SCN2B: variants seen among roughly 807,000 people sequenced by gnomAD.
The protein encoded by SCN2B is sodium voltage-gated channel beta subunit 2, also known as sodium channel regulatory subunit beta-2.
SCN2B carries 14 observed loss-of-function variants against 18.2 expected under a neutral mutation model. The observed-to-expected ratio is 0.77, with a 90% confidence interval of 0.51 to 1.21. The LOEUF is 1.21. Among genes scored for constraint, SCN2B ranks in the 50% most tolerant of loss-of-function variants. The pLI, the probability that SCN2B is intolerant of heterozygous loss-of-function variation, is 0.00. For missense variants in SCN2B, 262 were observed against 286.9 expected, an observed-to-expected ratio of 0.91 and a Z score of 0.63; for synonymous variants, 115 against 115.3, an observed-to-expected ratio of 1.00 and a Z score of 0.02.
chr11:118,173,259 CT>C (rs1948443608), intron 1 of SCN2B, among the ~76,000 whole-genome samples: 1 of 152,216 alleles, frequency 6.6e-6, no homozygotes, highest in East Asian at 1.9e-4. Context: ...GACCCCAGTT[CT>C]GATTTTTTCT....
Position 118,168,117 on chromosome 11 carries a change from T to C in SCN2B, c.416A>G (p.His139Arg). Residue 139 changes from histidine (H) to arginine (R), a missense_variant, in exon 3 of 4, where the codon CAT becomes CGT. His to Arg is a conservative substitution (Grantham distance 29). Transcript: ENST00000278947. This position sits in a 1 kb window ranked among gnomAD's most constrained non-coding sequence, Gnocchi z 4.7. ...GAGGACCTGCAGATGGATCTTGCCA[T>C]GGCCACGGTGGCGGTCAGGGGGGTT... Reference protein sequence around the residue: ...IMNPPDRHRGHGKIHLQVLME... With the variant: ...IMNPPDRHRGRGKIHLQVLME... The C allele has an allele frequency of 1.2e-6, 2 of 1,614,146 alleles. No individual in the cohort carries two copies. The highest frequency in any genetic ancestry group is 1.7e-6 in the Non-Finnish European group (2 of 1,180,026).
Position 118,166,489 on chromosome 11 carries a change from C to T in SCN2B, c.*398G>A. ...AGGGAGCGCTGTCAGCACAGGAAAG[C>T]CCTCCCTCCCCACCAGGTCCTCTCT... On this transcript the variant is annotated 3_prime_UTR_variant, in exon 4 of 4. Coordinates refer to ENST00000278947, the MANE Select transcript of SCN2B (RefSeq NM_004588.5). 3.2e-6 allele frequency: 1 copy of T among 310,314 alleles called. No individual in the cohort carries two copies. Among genetic ancestry groups the T allele is most frequent in the East Asian group, 8.4e-5 (1 of 11,950 alleles). The allele number at this position is 310,314 out of a possible 1,614,324, so 19.2% of individuals were successfully genotyped here.
At position 118,176,489 on chromosome 11, in the gene SCN2B, G is replaced by A. The variant is rs747804450; in HGVS notation, c.-58C>T. 23 of 1,291,950 alleles carry A rather than the reference G, an allele frequency of 1.8e-5. No individual in the cohort carries two copies. The highest frequency in any genetic ancestry group is 3.4e-5 in the Admixed American group (2 of 59,564). 80.0% of individuals were successfully genotyped at this position (1,291,950 alleles called of 1,614,324 possible). A position where few individuals can be genotyped will look rare whatever the true frequency, so the allele number is the denominator to read the frequency against. ...ACGGGAGAGGGTGATTTGAGGGGGC[G>A]AGAACTACAAGGGAGGAATGGTTGG... On this transcript the variant is annotated 5_prime_UTR_variant, in exon 1 of 4. Coordinates refer to ENST00000278947, the MANE Select transcript of SCN2B (RefSeq NM_004588.5).
At chr11:118,167,378 A>G (rs1488898843) in intron 3 of SCN2B, among the ~76,000 whole-genome samples, 1 of 152,182 alleles carries the variant, frequency 6.6e-6, no homozygotes, top group East Asian at 1.9e-4. Flanking sequence ...GAATTGCGTG[A>G]CCTTAAGTAA....
chr11:118,175,224 C>T (rs190120594), intron 1 of SCN2B, among the ~76,000 whole-genome samples: 72 of 152,300 alleles, frequency 4.7e-4, no homozygotes, highest in Admixed American at 3.3e-3. Context: ...TTTAGTTTAC[C>T]CGGGAGGGAA....
In SCN2B at chr11:118,170,638, G is replaced by A. The variant is rs186762858; in HGVS notation, c.71-1887C>T. Reference sequence around the variant, plus strand: ...CCCGATAGAGGCTGATGTGGGAATCGCATAGACAAGGGGATGAGACTAGAC... The same window carrying A: ...CCCGATAGAGGCTGATGTGGGAATCACATAGACAAGGGGATGAGACTAGAC... On this transcript the variant is annotated intron_variant, in intron 1 of 3. Coordinates refer to ENST00000278947, the MANE Select transcript of SCN2B (RefSeq NM_004588.5). Among the ~76,000 whole-genome samples the A allele has an allele frequency of 1.7e-3, 253 of 152,270 alleles. 1 individual carries two copies. The highest frequency in any genetic ancestry group is 5.6e-3 in the African/African-American group (231 of 41,554).
At chr11:118,173,089 T>C (rs1234917108) in intron 1 of SCN2B, among the ~76,000 whole-genome samples, 2 of 151,836 alleles carry the variant, frequency 1.3e-5, no homozygotes, top group Non-Finnish European at 2.9e-5. Flanking sequence ...CCCACCCTCA[T>C]CACTCCTCAC....
Position 118,168,640 on chromosome 11 carries a change from T to C in SCN2B, c.182A>G (p.Lys61Arg). ...GTAAGTCCAGTTCAGGGAGAACTGT[T>C]TGTGGTTCACTGTGTAGCAGGAGTT... Reference protein sequence around the residue: ...TFNSCYTVNHKQFSLNWTYQE... With the variant: ...TFNSCYTVNHRQFSLNWTYQE... The change falls in exon 2 of 4, where the codon AAA becomes AGA. Residue 61 changes from lysine (K) to arginine (R), a missense_variant. Coordinates refer to ENST00000278947, the MANE Select transcript of SCN2B (RefSeq NM_004588.5). The surrounding 1 kb of genome is among the most constrained non-coding windows in gnomAD (Gnocchi z 4.7). 6.2e-7 allele frequency: 1 copy of C among 1,614,246 alleles called. No homozygotes were observed. The highest frequency in any genetic ancestry group is 8.5e-7 in the Non-Finnish European group (1 of 1,180,042).
At position 118,168,867 on chromosome 11, in the gene SCN2B, C is replaced by T; in HGVS notation, c.71-116G>A. On this transcript the variant is annotated intron_variant, in intron 1 of 3. Coordinates refer to ENST00000278947, the MANE Select transcript of SCN2B (RefSeq NM_004588.5). The surrounding 1 kb of genome is among the most constrained non-coding windows in gnomAD (Gnocchi z 4.7). ...GCAGAGCAGAGCCACAGGGAGGGGA[C>T]TGGGTCCCTGACAGCTCCAGTTAAT... 1 of 1,115,904 alleles carries T rather than the reference C, an allele frequency of 9.0e-7. No individual in the cohort carries two copies. Among genetic ancestry groups the T allele is most frequent in the Non-Finnish European group, 1.4e-6 (1 of 734,306 alleles). 69.1% of individuals were successfully genotyped at this position (1,115,904 alleles called of 1,614,324 possible). A position where few individuals can be genotyped will look rare whatever the true frequency, so the allele number is the denominator to read the frequency against.
At chr11:118,169,926 C>T (rs977871576) in intron 1 of SCN2B, among the ~76,000 whole-genome samples, 14 of 152,194 alleles carry the variant, frequency 9.2e-5, no homozygotes, top group Admixed American at 1.3e-4. Context: ...TTAAATGTCA[C>T]GCCCTAGGCA....
In SCN2B at chr11:118,166,833, C is replaced by G; in HGVS notation, c.*54G>C. 1 of 1,605,524 alleles carries G rather than the reference C, an allele frequency of 6.2e-7. No homozygotes were observed. The highest frequency in any genetic ancestry group is 1.7e-5 in the Admixed American group (1 of 59,996). On this transcript the variant is annotated 3_prime_UTR_variant, in exon 4 of 4. Coordinates refer to ENST00000278947, the MANE Select transcript of SCN2B (RefSeq NM_004588.5). ...AGAGCGAGCAGGCAGGGTCACTGTA[C>G]AGGGCGGAGAGGGGAGGAGACGGGA...
chr11:118,176,133 G>T (rs567123168), intron 1 of SCN2B, among the ~76,000 whole-genome samples: 1 of 152,184 alleles, frequency 6.6e-6, no homozygotes, highest in South Asian at 2.1e-4. Context: ...CTTGACAATT[G>T]TCAGCCCCCA....
rs750313446 is a variant in SCN2B, at chr11:118,168,189, C to T, written c.344G>A (p.Arg115Lys). Residue 115 changes from arginine to lysine, a missense_variant, in exon 3 of 4, where the codon AGA becomes AAA. Physicochemically the swap from Arg to Lys is conservative, Grantham distance 26. Transcript: ENST00000278947. This position sits in a 1 kb window ranked among gnomAD's most constrained non-coding sequence, Gnocchi z 4.7. ...PSKYDVSVML[R>K]NVQPEDEGIY... ...CCCCTCATCCTCCGGCTGCACGTTT[C>T]TCAGCATCACCGACACATCGTACTT... The T allele has an allele frequency of 1.2e-6, 2 of 1,614,188 alleles. No homozygotes were observed. Among genetic ancestry groups the T allele is most frequent in the African/African-American group, 1.3e-5 (1 of 75,046 alleles).
chr11:118,172,774 C>T (rs1370503407), intron 1 of SCN2B, among the ~76,000 whole-genome samples: 1 of 152,202 alleles, frequency 6.6e-6, no homozygotes, highest in South Asian at 2.1e-4. Flanking sequence ...GCCCATCTTG[C>T]AGAGACTATA....
chr11:118,176,289 C>G (rs1173804254), intron 1 of SCN2B, 73 bp downstream of exon 1: 2 of 1,346,012 alleles, frequency 1.5e-6, no homozygotes, highest in East Asian at 2.3e-5. Flanking sequence ...CTTTCCTATC[C>G]CCTGCCCCCA....
In SCN2B at chr11:118,171,491, CT is replaced by C. The variant is rs542634306; in HGVS notation, c.71-2741del. Among the ~76,000 whole-genome samples the C allele has an allele frequency of 1.3e-3, 192 of 152,358 alleles. 2 individuals are homozygous for C. Among genetic ancestry groups the C allele is most frequent in the African/African-American group, 4.4e-3 (184 of 41,582 alleles). On this transcript the variant is annotated intron_variant, in intron 1 of 3. Coordinates refer to ENST00000278947, the MANE Select transcript of SCN2B (RefSeq NM_004588.5). ...CCAGGAATGTCCTATCCCTCTAGCT[CT>C]TCCCTTGGAAGGTCGATCATCTTCC...
At chr11:118,172,609 CTG>C (rs923108979) in intron 1 of SCN2B, among the ~76,000 whole-genome samples, 16 of 152,234 alleles carry the variant, frequency 1.1e-4, no homozygotes, top group African/African-American at 3.9e-4. Context: ...GGTCTGGGGC[CTG>C]TGTCTCCTGA....
At position 118,167,018 on chromosome 11, in the gene SCN2B, CCA is replaced by C. The variant is rs1451762339; in HGVS notation, c.515_516del (p.Val172GlyfsTer23). 1 of 1,613,972 alleles carries C rather than the reference CCA, an allele frequency of 6.2e-7. No homozygotes were observed. Among genetic ancestry groups the C allele is most frequent in the East Asian group, 2.2e-5 (1 of 44,886 alleles). ...VGASVGGFLA[V>X]VILVLMVVKC... ...TTGACCACCATCAGCACCAAGATGACCACAGCCAGGAAGCCCCCGACGGAGGC... is the reference window on the plus strand; with the variant it reads ...TTGACCACCATCAGCACCAAGATGACCAGCCAGGAAGCCCCCGACGGAGGC... On this transcript the variant is annotated frameshift_variant, in exon 4 of 4. Coordinates refer to ENST00000278947, the MANE Select transcript of SCN2B (RefSeq NM_004588.5). LOFTEE classifies it high-confidence loss of function.
chr11:118,174,182 C>T (rs954819452), intron 1 of SCN2B, among the ~76,000 whole-genome samples: 1 of 136,024 alleles, frequency 7.4e-6, no homozygotes, highest in Non-Finnish European at 1.5e-5. Flanking sequence ...TCAAGCGATC[C>T]TCCCACCTCG....
Sources: allele counts gnomAD v4.1 joint callset (sites outside exome capture counted in the v4.1 genomes callset), GRCh38; gene constraint gnomAD v4.1.1; non-coding constraint Gnocchi (gnomAD v3.1); transcripts MANE v1.5; gene names NCBI Gene and HGNC (gene_info 2026-07-23, HGNC 2026-07-21).